The following CACNA2D2 variants were observed in gnomAD, a reference collection of about 807,000 sequenced individuals.
The protein encoded by CACNA2D2 is voltage-dependent calcium channel subunit alpha-2/delta-2.
CACNA2D2 carries 48 observed loss-of-function variants against 166.4 expected under a neutral mutation model. The ratio of observed to expected loss-of-function variants is 0.29; its 90% CI spans 0.23 to 0.37. The LOEUF (loss-of-function observed/expected upper bound fraction) is 0.37. CACNA2D2 is among the 10% of genes least tolerant of loss of function. CACNA2D2 has a pLI of 1.00. For synonymous variants in CACNA2D2, 561 were observed against 573.7 expected, an observed-to-expected ratio of 0.98 and a Z score of 0.32; for missense variants, 1,122 against 1,433.0, an observed-to-expected ratio of 0.78 and a Z score of 3.50.
intron 22 of CACNA2D2, among the ~76,000 whole-genome samples, chr3:50,371,112 A>T (rs1473846487): frequency 3.3e-5 from 5 of 152,012 alleles, no homozygotes; most frequent in African/African-American, 1.2e-4. Context: ...GTGGGAAGAA[A>T]GTCTGAGGAG....
At chr3:50,497,358 A>T (rs1354342733) in intron 1 of CACNA2D2, among the ~76,000 whole-genome samples, 2 of 152,248 alleles carry the variant, frequency 1.3e-5, no homozygotes, top group Non-Finnish European at 2.9e-5. Context: ...CCCTTGACAG[A>T]GGCCTCCTCA....
rs368540577 is a variant in CACNA2D2, at chr3:50,384,295, T to C, written c.553A>G (p.Ser185Gly). 59 of 1,614,170 alleles carry C rather than the reference T, an allele frequency of 3.7e-5. 3 individuals are homozygous for C. The highest frequency in any genetic ancestry group is 1.7e-4 in the Admixed American group (10 of 60,028). ...SEDVERGSKASTLRLDFIEDP... is the reference protein window; with the variant it reads ...SEDVERGSKAGTLRLDFIEDP... The stretch of plus-strand genomic sequence containing the variant: ...TCGATGAAGTCCAGCCTTAGGGTGC[T>C]GGCCTTAGACCCCCTTTCCACATCC... Residue 185 changes from serine to glycine, a missense_variant, in exon 6 of 38, where the codon AGC becomes GGC. Physicochemically the swap from Ser to Gly is moderately conservative, Grantham distance 56. Coordinates refer to ENST00000424201, the MANE Select transcript of CACNA2D2 (RefSeq NM_006030.4).
chr3:50,391,225 A>G (rs1171517261), intron 4 of CACNA2D2, among the ~76,000 whole-genome samples: 4 of 151,874 alleles, frequency 2.6e-5, no homozygotes, highest in African/African-American at 9.7e-5. Context: ...TCCTTCCCTT[A>G]CACTTCCCAG....
chr3:50,386,402 G>C (rs1228714740), intron 5 of CACNA2D2, among the ~76,000 whole-genome samples: 1 of 152,238 alleles, frequency 6.6e-6, no homozygotes, highest in Non-Finnish European at 1.5e-5. Flanking sequence ...TTAATGCACT[G>C]ATTGCTAAAA....
chr3:50,439,996 C>T (rs1010812478), intron 2 of CACNA2D2, among the ~76,000 whole-genome samples: 1 of 152,216 alleles, frequency 6.6e-6, no homozygotes, highest in Non-Finnish European at 1.5e-5. Flanking sequence ...TGCAAATCCA[C>T]CTTGAAGACT....
chr3:50,488,582 C>T (rs1175788585), intron 1 of CACNA2D2, among the ~76,000 whole-genome samples: 1 of 151,184 alleles, frequency 6.6e-6, no homozygotes, highest in Admixed American at 6.6e-5. Context: ...CACCCCACCC[C>T]CCACACCTCT....
rs1287499685 is a variant in CACNA2D2 at position 50,379,567 on chromosome 3, C to T, written c.1017G>A (p.Val339=). 7 of 1,613,826 alleles carry T rather than the reference C, an allele frequency of 4.3e-6. No homozygotes were observed. The highest frequency in any genetic ancestry group is 5.9e-6 in the Non-Finnish European group (7 of 1,180,038). ...CCTGCACCAGGTGTGTGAAGCATGA[C>T]ACAGGCTGTGCCTTCTCGTTGAACT... ...VASFNEKAQP[V]SCFTHLVQAN... is the part of the protein sequence containing the mutation. The change falls in exon 11 of 38, where the codon GTG becomes GTA. Residue 339 remains valine, a synonymous_variant. Coordinates refer to ENST00000424201, the MANE Select transcript of CACNA2D2 (RefSeq NM_006030.4). The surrounding 1 kb of genome is among the most constrained non-coding windows in gnomAD (Gnocchi z 6.5).
chr3:50,405,116 C>A (rs896190529), intron 3 of CACNA2D2, among the ~76,000 whole-genome samples: 1 of 152,200 alleles, frequency 6.6e-6, no homozygotes, highest in Non-Finnish European at 1.5e-5. Context: ...AATCAGACAG[C>A]TCATAATTTT....
intron 5 of CACNA2D2, among the ~76,000 whole-genome samples, chr3:50,385,906 G>C (rs1360750062): frequency 3.9e-5 from 6 of 152,208 alleles, no homozygotes; most frequent in Non-Finnish European, 8.8e-5. Context: ...CTCAACTAAT[G>C]TGACATTTGG....
intron 3 of CACNA2D2, among the ~76,000 whole-genome samples, chr3:50,416,829 T>C (rs1707284893): frequency 6.6e-6 from 1 of 152,322 alleles, no homozygotes; most frequent in Non-Finnish European, 1.5e-5. Context: ...GAAAGGGATA[T>C]CACAGCTGTG....
At position 50,367,929 on chromosome 3, in the gene CACNA2D2, T is replaced by TG; in HGVS notation, c.2144-28dup. On this transcript the variant is annotated intron_variant, in intron 24 of 37. Transcript: ENST00000424201. The surrounding 1 kb of genome is among the most constrained non-coding windows in gnomAD (Gnocchi z 6.5). Reference sequence around the variant, plus strand: ...TGGAACAGGAGGGGAGGGGTGGGGGTGGGGGCATCTTCTTGCAGCTCCTTG... The same window carrying TG: ...TGGAACAGGAGGGGAGGGGTGGGGGTGGGGGGCATCTTCTTGCAGCTCCTTG... 2 of 274,210 alleles carry TG rather than the reference T, an allele frequency of 7.3e-6. No homozygotes were observed. The allele number at this position is 274,210 out of a possible 1,614,324, so 17.0% of individuals were successfully genotyped here.
chr3:50,372,356 A>T (rs1390808927), intron 22 of CACNA2D2, among the ~76,000 whole-genome samples: 1 of 152,124 alleles, frequency 6.6e-6, no homozygotes, highest in Non-Finnish European at 1.5e-5. Flanking sequence ...CACCTTTTCC[A>T]TACTGCCAAG....
intron 23 of CACNA2D2, 101 bp downstream of exon 23, chr3:50,370,219 A>C (rs956879925): frequency 1.2e-6 from 1 of 816,632 alleles, no homozygotes; most frequent in Admixed American, 2.0e-5. Context: ...ATGACACTGC[A>C]CAGGACACAG....
At chr3:50,502,334 G>C (rs910851825) in intron 1 of CACNA2D2, among the ~76,000 whole-genome samples, 1 of 152,226 alleles carries the variant, frequency 6.6e-6, no homozygotes, top group Non-Finnish European at 1.5e-5. Context: ...CACTGACATA[G>C]GGCTGAAGCA....
intron 3 of CACNA2D2, among the ~76,000 whole-genome samples, chr3:50,402,957 C>T (rs900154206): frequency 6.6e-6 from 1 of 152,156 alleles, no homozygotes; most frequent in African/African-American, 2.4e-5. Context: ...GGGCATGGTG[C>T]TGCCTCCTGT....
intron 4 of CACNA2D2, among the ~76,000 whole-genome samples, chr3:50,388,822 G>A (rs1705737458): frequency 6.6e-6 from 1 of 152,232 alleles, no homozygotes; most frequent in African/African-American, 2.4e-5. Flanking sequence ...TCTCACCAGG[G>A]GTCTAGGGGC....
intron 3 of CACNA2D2, among the ~76,000 whole-genome samples, chr3:50,416,856 G>C (rs936691900): frequency 6.6e-6 from 1 of 152,234 alleles, no homozygotes; most frequent in African/African-American, 2.4e-5. Context: ...CTGCACACCA[G>C]GAGTGAAAGT....
At chr3:50,383,415 G>C (rs1313096339) in intron 6 of CACNA2D2, among the ~76,000 whole-genome samples, 1 of 152,210 alleles carries the variant, frequency 6.6e-6, no homozygotes, top group East Asian at 1.9e-4. Context: ...GGTGCCCATA[G>C]AACTGTGTCA....
intron 4 of CACNA2D2, among the ~76,000 whole-genome samples, chr3:50,389,761 C>T (rs767716627): frequency 2.0e-5 from 3 of 152,184 alleles, no homozygotes; most frequent in South Asian, 2.1e-4. Flanking sequence ...ATTCTTAGTC[C>T]CCTGCAGATG....
Sources: gnomAD v4.1 joint callset for allele counts (sites outside exome capture counted in the v4.1 genomes callset) on GRCh38, gnomAD v4.1.1 for gene constraint, Gnocchi (gnomAD v3.1) non-coding constraint, MANE v1.5 for transcripts, NCBI Gene and HGNC (gene_info 2026-07-23, HGNC 2026-07-21) for gene names.